Variants in DRC11 observed in about 807,000 individuals in gnomAD.
DRC11 encodes IQ and AAA domain-containing protein 1.
the DRC11 span, among the ~76,000 whole-genome samples, chr2:236,317,535 C>T: frequency 6.6e-5 from 10 of 152,272 alleles, no homozygotes; most frequent in African/African-American, 1.9e-4. The surrounding 1 kb of genome is among the most constrained non-coding windows in gnomAD (Gnocchi z 5.4). Context: ...TGCTGGAAAT[C>T]AGGACAATAG....
At chr2:236,316,617 G>A in the DRC11 span, among the ~76,000 whole-genome samples, 3 of 152,154 alleles carry the variant, frequency 2.0e-5, no homozygotes, top group African/African-American at 2.4e-5. This position sits in a 1 kb window ranked among gnomAD's most constrained non-coding sequence, Gnocchi z 6.8. Flanking sequence ...CCAACTCAGC[G>A]GGTTTTATTA....
chr2:236,431,477 T>G, the DRC11 span, among the ~76,000 whole-genome samples: 1 of 152,198 alleles, frequency 6.6e-6, no homozygotes, highest in Admixed American at 6.5e-5. The surrounding 1 kb of genome is among the most constrained non-coding windows in gnomAD (Gnocchi z 4.2). Flanking sequence ...TGAGGGTCAC[T>G]GCCTGCATGG....
chr2:236,387,248 A>T, the DRC11 span, among the ~76,000 whole-genome samples: 1 of 149,014 alleles, frequency 6.7e-6, no homozygotes, highest in African/African-American at 2.5e-5. Context: ...GATCTGTCTA[A>T]TGTTGACAGT....
the DRC11 span, among the ~76,000 whole-genome samples, chr2:236,388,680 TC>T: frequency 1.3e-5 from 2 of 150,898 alleles, no homozygotes; most frequent in Non-Finnish European, 3.0e-5. Context: ...TCATTCTCCA[TC>T]CAGCTTTGTT....
At chr2:236,379,094 T>C in the DRC11 span, among the ~76,000 whole-genome samples, 1 of 152,144 alleles carries the variant, frequency 6.6e-6, no homozygotes, top group African/African-American at 2.4e-5. Context: ...CCAGTGCCCC[T>C]CTGGGTGCTC....
the DRC11 span, among the ~76,000 whole-genome samples, chr2:236,420,363 T>A: frequency 1.3e-5 from 2 of 152,166 alleles, no homozygotes; most frequent in African/African-American, 4.8e-5. The surrounding 1 kb of genome is among the most constrained non-coding windows in gnomAD (Gnocchi z 4.8). Flanking sequence ...TCGTACAAAA[T>A]GCACAGAGTG....
chr2:236,453,010 C>T, the DRC11 span, among the ~76,000 whole-genome samples: 2 of 152,092 alleles, frequency 1.3e-5, no homozygotes, highest in African/African-American at 4.8e-5. The surrounding 1 kb of genome is among the most constrained non-coding windows in gnomAD (Gnocchi z 4.9). Context: ...GAAGAGAGTA[C>T]CTTAGGAAGA....
the DRC11 span, among the ~76,000 whole-genome samples, chr2:236,477,829 T>C: frequency 6.6e-6 from 1 of 152,142 alleles, no homozygotes; most frequent in Non-Finnish European, 1.5e-5. Flanking sequence ...GTGTACAGTT[T>C]TTTTGTCATA....
chr2:236,316,939 A>G, the DRC11 span, among the ~76,000 whole-genome samples: 20 of 152,360 alleles, frequency 1.3e-4, no homozygotes, highest in African/African-American at 4.8e-4. The surrounding 1 kb of genome is among the most constrained non-coding windows in gnomAD (Gnocchi z 6.8). Context: ...ACATGTGTGC[A>G]GAGAGACAGA....
the DRC11 span, chr2:236,399,382 T>C: frequency 2.7e-4 from 422 of 1,572,490 alleles, 2 homozygotes; most frequent in South Asian, 3.3e-3. The surrounding 1 kb of genome is among the most constrained non-coding windows in gnomAD (Gnocchi z 7.0). Context: ...TGCTGCTGTC[T>C]TGGTGACCAT....
At chr2:236,507,152 G>T in the DRC11 span, 1 of 1,175,898 alleles carries the variant, frequency 8.5e-7, no homozygotes, top group Non-Finnish European at 1.3e-6. Context: ...GTTGAGAGGG[G>T]AGGAGAAAAG....
At chr2:236,491,159 G>GTATA in the DRC11 span, among the ~76,000 whole-genome samples, 73 of 40,340 alleles carry the variant, frequency 1.8e-3, 1 homozygote, top group South Asian at 5.1e-3. Context: ...TATACACACA[G>GTATA]TATATATATA....
At chr2:236,438,760 T>C in the DRC11 span, among the ~76,000 whole-genome samples, 1 of 151,982 alleles carries the variant, frequency 6.6e-6, no homozygotes, top group Non-Finnish European at 1.5e-5. Flanking sequence ...ATCAACAGAA[T>C]ATACATTTTT....
chr2:236,463,413 T>C, the DRC11 span, among the ~76,000 whole-genome samples: 1 of 152,148 alleles, frequency 6.6e-6, no homozygotes, highest in African/African-American at 2.4e-5. This position sits in a 1 kb window ranked among gnomAD's most constrained non-coding sequence, Gnocchi z 5.0. Context: ...ATTCAAAATA[T>C]CCCATTTTGC....
chr2:236,353,477 C>CTGTT, the DRC11 span, among the ~76,000 whole-genome samples: 1 of 152,098 alleles, frequency 6.6e-6, no homozygotes, highest in Admixed American at 6.5e-5. The surrounding 1 kb of genome is among the most constrained non-coding windows in gnomAD (Gnocchi z 5.0). Flanking sequence ...CAATTAAAAC[C>CTGTT]TGTTTGTGTT....
chr2:236,487,025 T>A, the DRC11 span: 1 of 667,710 alleles, frequency 1.5e-6, no homozygotes, highest in Non-Finnish European at 2.6e-6. Context: ...AGGCTGTCCA[T>A]GTGTGTGCTG....
At chr2:236,466,549 T>G in the DRC11 span, among the ~76,000 whole-genome samples, 1 of 152,152 alleles carries the variant, frequency 6.6e-6, no homozygotes, top group Non-Finnish European at 1.5e-5. Context: ...CTGCTTGGCT[T>G]CTGGCGAGGC....
the DRC11 span, among the ~76,000 whole-genome samples, chr2:236,360,091 A>T: frequency 1.3e-5 from 2 of 152,210 alleles, no homozygotes; most frequent in African/African-American, 4.8e-5. The surrounding 1 kb of genome is among the most constrained non-coding windows in gnomAD (Gnocchi z 5.8). Flanking sequence ...GAGAACAGAA[A>T]GATCACATCC....
At chr2:236,309,179 C>T in the DRC11 span, among the ~76,000 whole-genome samples, 19 of 152,304 alleles carry the variant, frequency 1.2e-4, no homozygotes, top group East Asian at 1.2e-3. The surrounding 1 kb of genome is among the most constrained non-coding windows in gnomAD (Gnocchi z 5.7). Context: ...TCCCTCGCGG[C>T]GGCTCCCTGC....
Sources: allele counts gnomAD v4.1 joint callset (sites outside exome capture counted in the v4.1 genomes callset), GRCh38; gene constraint gnomAD v4.1.1; non-coding constraint Gnocchi (gnomAD v3.1); transcripts MANE v1.5; gene names NCBI Gene and HGNC (gene_info 2026-07-23, HGNC 2026-07-21).